Variants in ZNF530 observed in about 807,000 individuals in gnomAD.
ZNF530 encodes the protein zinc finger protein 530.
Under a neutral mutation model 2.8 loss-of-function variants are expected in ZNF530, and 5 were observed. The ratio of observed to expected loss-of-function variants is 1.80; its 90% CI spans 0.94 to 3.78. The LOEUF is 3.78. Ranked by LOEUF, ZNF530 falls within the 30% of genes most tolerant of loss-of-function variation. The pLI is 0.00. For missense variants in ZNF530, 619 were observed against 673.3 expected (o/e 0.92, Z 0.89); for synonymous variants, 229 against 235.0 (o/e 0.97, Z 0.23).
Position 57,607,915 on chromosome 19 carries a change from C to G in ZNF530, c.*590C>G, listed in dbSNP as rs1022149606. ...TTCGTGTCACTGCCAGTTTCTGCGG[C>G]TGAAGCCTTTTCATCACTACCCGCT... On this transcript the variant is annotated 3_prime_UTR_variant, in exon 4 of 4. Transcript: ENST00000597700. 1.2e-4 allele frequency: 18 copies of G among 154,692 alleles called. No individual in the cohort carries two copies. The highest frequency in any genetic ancestry group is 3.4e-3 in the Middle Eastern group (1 of 296). The allele number at this position is 154,692 out of a possible 1,614,324, so 9.6% of individuals were successfully genotyped here.
downstream of ZNF530, among the ~76,000 whole-genome samples, chr19:57,611,828 A>T (rs528742160): frequency 2.0e-3 from 298 of 149,044 alleles, no homozygotes; most frequent in African/African-American, 7.1e-3. Flanking sequence ...CCTGTCCTTG[A>T]CTCCAAAATT....
chr19:57,605,963 T>G lies in ZNF530; in HGVS notation c.339T>G (p.Phe113Leu). Reference protein sequence around the residue: ...LQKLDNGEKLFKVDGDQASFM... With the variant: ...LQKLDNGEKLLKVDGDQASFM... ...AGCTTGATAATGGAGAGAAGCTCTT[T>G]AAAGTGGATGGGGACCAGGCCTCAT... The change falls in exon 4 of 4, where the codon TTT becomes TTG. Residue 113 changes from phenylalanine (F) to leucine (L), a missense_variant. Coordinates refer to ENST00000597700, the MANE Select transcript of ZNF530 (RefSeq NM_001321981.2). 1 of 1,614,188 alleles carries G rather than the reference T, an allele frequency of 6.2e-7. No homozygotes were observed. The highest frequency in any genetic ancestry group is 1.1e-5 in the South Asian group (1 of 91,080).
Position 57,600,135 on chromosome 19 carries a change from G to C in ZNF530, c.-122+1G>C, listed in dbSNP as rs773318603. 6.4e-7 allele frequency: 1 copy of C among 1,571,120 alleles called. No homozygotes were observed. The highest frequency in any genetic ancestry group is 8.6e-7 in the Non-Finnish European group (1 of 1,157,562). On this transcript the variant is annotated splice_donor_variant, in intron 1 of 3. Coordinates refer to ENST00000597700, the MANE Select transcript of ZNF530 (RefSeq NM_001321981.2). LOFTEE classifies it low-confidence loss of function (5UTR_SPLICE). The stretch of plus-strand genomic sequence containing the variant: ...GGCGGCACTGAGGGCCCCGACCCAG[G>C]TGAGCGCTGCGTCCTCCCGGCCTCC...
rs566890006 is a variant in ZNF530, at chr19:57,606,032, G to A, written c.408G>A (p.Thr136=). 5.0e-5 allele frequency: 81 copies of A among 1,614,156 alleles called. No homozygotes were observed. The highest frequency in any genetic ancestry group is 6.1e-5 in the Non-Finnish European group (72 of 1,180,024). The part of the protein sequence containing the change: ...CRFHVSGKPF[T]FGEVGRDFSA... ...TCCATGTGTCAGGAAAACCCTTCAC[G>A]TTTGGGGAAGTCGGGAGGGACTTTT... Residue 136 remains threonine (T), a synonymous_variant, in exon 4 of 4, where the codon ACG becomes ACA. Transcript: ENST00000597700.
chr19:57,602,352 A>G (rs886510540), intron 2 of ZNF530, among the ~76,000 whole-genome samples: 3 of 152,218 alleles, frequency 2.0e-5, no homozygotes, highest in African/African-American at 7.2e-5. Context: ...CAAAGATTCC[A>G]TCTCCAAATA....
rs752011377 is a variant in ZNF530, at chr19:57,606,735, G to A, written c.1111G>A (p.Glu371Lys). The stretch of plus-strand genomic sequence containing the variant: ...TCACCACCAAAGATTTCACACTGGA[G>A]AAAGACCTTATGTGTGCAGTGAATG... ...LIHHQRFHTGERPYVCSECGK... is the reference protein window; with the variant it reads ...LIHHQRFHTGKRPYVCSECGK... Residue 371 changes from glutamate (E) to lysine (K), a missense_variant, in exon 4 of 4, where the codon GAA becomes AAA. By Grantham distance (56) the Glu-to-Lys change is moderately conservative (BLOSUM62 1). Transcript: ENST00000597700. 3.7e-6 allele frequency: 6 copies of A among 1,613,828 alleles called. No individual in the cohort carries two copies. The South Asian group carries it at 5.5e-5, about 15-fold the overall frequency.
chr19:57,605,744 A>G lies in ZNF530; in HGVS notation c.120A>G (p.Glu40=). 6.2e-7 allele frequency: 1 copy of G among 1,614,142 alleles called. No homozygotes were observed. Among genetic ancestry groups the G allele is most frequent in the Non-Finnish European group, 8.5e-7 (1 of 1,180,018 alleles). Reference sequence around the variant, plus strand: ...CTTCTGCAGAGAGCGTTTCTGTGGAAGAACTGTCACAGGGCAGGACTCCAA... The same window carrying G: ...CTTCTGCAGAGAGCGTTTCTGTGGAGGAACTGTCACAGGGCAGGACTCCAA... ...GTPSAESVSV[E]ELSQGRTPKA... The change falls in exon 4 of 4, where the codon GAA becomes GAG. Residue 40 remains glutamate (E), a synonymous_variant. Coordinates refer to ENST00000597700, the MANE Select transcript of ZNF530 (RefSeq NM_001321981.2).
chr19:57,605,585 C>A, intron 3 of ZNF530, 101 bp from the exon 4 acceptor site: 1 of 1,253,394 alleles, frequency 8.0e-7, no homozygotes, highest in East Asian at 2.4e-5. Flanking sequence ...GCTCTCATAT[C>A]CTAAAAACAT....
At chr19:57,603,718 A>G (rs963165840) in intron 2 of ZNF530, among the ~76,000 whole-genome samples, 4 of 152,232 alleles carry the variant, frequency 2.6e-5, no homozygotes. Context: ...AGGGCTTCAG[A>G]GCAGGATATG....
rs1298956290 is a variant in ZNF530 at position 57,606,657 on chromosome 19, C to A, written c.1033C>A (p.Pro345Thr). Residue 345 changes from proline (P) to threonine (T), a missense_variant, in exon 4 of 4, where the codon CCT (proline) becomes ACT (threonine). By Grantham distance (38) the Pro-to-Thr change is conservative. Transcript: ENST00000597700. ...RHWRVHTGVR[P>T]YECSECGKAF... ...CTGGAGAGTTCACACTGGAGTAAGG[C>A]CTTATGAGTGTAGTGAATGTGGGAA... is the stretch of plus-strand genomic sequence containing the variant. 2 of 1,614,028 alleles carry A rather than the reference C, an allele frequency of 1.2e-6. No individual in the cohort carries two copies. The highest frequency in any genetic ancestry group is 2.2e-5 in the South Asian group (2 of 91,084).
intron 3 of ZNF530, 43 bp downstream of exon 3, chr19:57,604,449 C>T: frequency 6.3e-7 from 1 of 1,591,350 alleles, no homozygotes; most frequent in Admixed American, 1.7e-5. Context: ...GTGGGTCTCT[C>T]CTTTTCCCCT....
intron 2 of ZNF530, among the ~76,000 whole-genome samples, chr19:57,601,122 G>A: frequency 6.6e-6 from 1 of 152,196 alleles, no homozygotes; most frequent in Non-Finnish European, 1.5e-5. Flanking sequence ...AGATGTCTTT[G>A]TTCTGGAGAT....
In ZNF530 at chr19:57,606,014, G is replaced by T. The variant is rs531189449; in HGVS notation, c.390G>T (p.Val130=). 2 of 1,614,182 alleles carry T rather than the reference G, an allele frequency of 1.2e-6. No individual in the cohort carries two copies. Among genetic ancestry groups the T allele is most frequent in the East Asian group, 2.2e-5 (1 of 44,882 alleles). ...ASFMMNCRFH[V]SGKPFTFGEV... ...TTATGATGAACTGCAGGTTCCATGT[G>T]TCAGGAAAACCCTTCACGTTTGGGG... The change falls in exon 4 of 4, where the codon GTG becomes GTT. Residue 130 remains valine, a synonymous_variant. Coordinates refer to ENST00000597700, the MANE Select transcript of ZNF530 (RefSeq NM_001321981.2).
chr19:57,605,509 C>T (rs1371866310), intron 3 of ZNF530, 177 bp from the exon 4 acceptor site: 11 of 588,052 alleles, frequency 1.9e-5, no homozygotes, highest in Non-Finnish European at 3.2e-5. Flanking sequence ...ATCTTTGTGT[C>T]TTTCATCTCA....
At chr19:57,610,452 ACT>A (rs1430074644), downstream of ZNF530, among the ~76,000 whole-genome samples, 1 of 144,550 alleles carries the variant, frequency 6.9e-6, no homozygotes, top group Non-Finnish European at 1.5e-5. Context: ...GTGTGTGTAT[ACT>A]TACTGTTTTA....
chr19:57,606,268 T>G lies in ZNF530; in HGVS notation c.644T>G (p.Phe215Cys), dbSNP rs1258467370. The change falls in exon 4 of 4, where the codon TTT (phenylalanine) becomes TGT (cysteine). Residue 215 changes from phenylalanine to cysteine, a missense_variant. Phe to Cys is a radical substitution (Grantham distance 205). Coordinates refer to ENST00000597700, the MANE Select transcript of ZNF530 (RefSeq NM_001321981.2). ...PYKCSECGKS[F>C]SQSSGFLRHR... ...AAGTGCAGTGAATGTGGGAAATCCTTTAGTCAAAGTTCTGGCTTTCTTCGA... is the reference window on the plus strand; with the variant it reads ...AAGTGCAGTGAATGTGGGAAATCCTGTAGTCAAAGTTCTGGCTTTCTTCGA... 6.2e-7 allele frequency: 1 copy of G among 1,614,198 alleles called. No homozygotes were observed. The highest frequency in any genetic ancestry group is 1.3e-5 in the African/African-American group (1 of 75,040).
At chr19:57,600,909 T>A (rs1357197656) in intron 2 of ZNF530, 130 bp downstream of exon 2, 2 of 152,260 alleles carry the variant, frequency 1.3e-5, no homozygotes, top group African/African-American at 4.8e-5. Context: ...AACAAAAATA[T>A]GTCCAGGGTG....
chr19:57,609,605 G>A lies in ZNF530; in HGVS notation c.*2280G>A, dbSNP rs1050849423. ...AGCCGAGATCGCACCATTGCACTTC[G>A]GCCTGGGCAACAACAGCGAAACTCT... On this transcript the variant is annotated 3_prime_UTR_variant, in exon 4 of 4. Transcript: ENST00000597700. Among the ~76,000 whole-genome samples, 3 of 152,122 alleles carry A rather than the reference G, an allele frequency of 2.0e-5. No individual in the cohort carries two copies. The highest frequency in any genetic ancestry group is 4.4e-5 in the Non-Finnish European group (3 of 68,028).
chr19:57,604,225 C>T (rs1246309792), intron 2 of ZNF530, 52 bp from the exon 3 acceptor site: 1 of 1,611,404 alleles, frequency 6.2e-7, no homozygotes, highest in Non-Finnish European at 8.5e-7. Flanking sequence ...GGGGAATCAA[C>T]TTGGGGTCCT....
Sources: gnomAD v4.1 joint callset for allele counts (sites outside exome capture counted in the v4.1 genomes callset) on GRCh38, gnomAD v4.1.1 for gene constraint, MANE v1.5 for transcripts, NCBI Gene and HGNC (gene_info 2026-07-23, HGNC 2026-07-21) for gene names.